GRIP1: variants seen among roughly 807,000 people sequenced by gnomAD.
GRIP1 encodes glutamate receptor-interacting protein 1.
A neutral mutation model predicts 129.9 loss-of-function variants in GRIP1; 45 were observed. That is an observed-to-expected ratio of 0.35 (90% confidence interval 0.27 to 0.44). GRIP1 has a LOEUF of 0.44. Among genes scored for constraint, GRIP1 ranks in the 20% least tolerant of loss-of-function variants. The pLI is 1.00. For synonymous variants in GRIP1, 530 were observed against 520.8 expected (o/e 1.02, Z -0.24); for missense variants, 1,196 against 1,396.8 (o/e 0.86, Z 2.29).
At chr12:66,386,526 C>T (rs541370597) in intron 19 of GRIP1, among the ~76,000 whole-genome samples, 4 of 151,920 alleles carry the variant, frequency 2.6e-5, no homozygotes, top group South Asian at 4.2e-4. Flanking sequence ...CCCAGCTACT[C>T]GGGAGGCTGA....
At chr12:66,908,081 A>C (rs2040964681) in intron 1 of GRIP1, among the ~76,000 whole-genome samples, 1 of 152,206 alleles carries the variant, frequency 6.6e-6, no homozygotes, top group South Asian at 2.1e-4. Context: ...CCTTAAACTT[A>C]TTTTAATGAC....
chr12:66,638,947 G>C (rs2031669987), intron 1 of GRIP1, among the ~76,000 whole-genome samples: 1 of 152,136 alleles, frequency 6.6e-6, no homozygotes. Flanking sequence ...CAGTTTCTTT[G>C]TGAAATGGGG....
At chr12:66,798,604 C>T (rs562336172) in intron 1 of GRIP1, among the ~76,000 whole-genome samples, 8 of 152,086 alleles carry the variant, frequency 5.3e-5, no homozygotes, top group Non-Finnish European at 7.4e-5. Flanking sequence ...GATAGCATGC[C>T]GTACTAACTG....
chr12:66,607,647 C>T (rs1041537247), intron 1 of GRIP1, among the ~76,000 whole-genome samples: 2 of 152,104 alleles, frequency 1.3e-5, no homozygotes, highest in African/African-American at 2.4e-5. Flanking sequence ...TCTGCCTTTC[C>T]TTACCCTCTG....
intron 1 of GRIP1, among the ~76,000 whole-genome samples, chr12:66,632,185 T>C (rs1237624541): frequency 3.3e-5 from 5 of 152,134 alleles, no homozygotes; most frequent in Non-Finnish European, 7.3e-5. Context: ...TGGAGTATAA[T>C]GAGACTGGTG....
At chr12:66,541,035 G>A (rs1304146186) in intron 3 of GRIP1, among the ~76,000 whole-genome samples, 1 of 151,234 alleles carries the variant, frequency 6.6e-6, no homozygotes, top group Non-Finnish European at 1.5e-5. Context: ...AGCTGGTCTC[G>A]AACTCCTGAC....
Position 66,371,901 on chromosome 12 carries a change from C to T in GRIP1, c.2805G>A (p.Met935Ile), listed in dbSNP as rs2055525848. 6.2e-7 allele frequency: 1 copy of T among 1,611,984 alleles called. No homozygotes were observed. The highest frequency in any genetic ancestry group is 1.3e-5 in the African/African-American group (1 of 75,024). Residue 935 changes from methionine to isoleucine, a missense_variant, in exon 23 of 25, where the codon ATG becomes ATA. Around this residue, in one of 5 missense-constraint regions of GRIP1, gnomAD observed 427 missense variants for 463.3 expected, o/e 0.92. Transcript: ENST00000359742. ...GTGTTGGAGCCTCATGATTCAAACT[C>T]ATCGTGCTCCCCGACATGATTGTTG... is the stretch of plus-strand genomic sequence containing the variant. ...LLATIMSGSTMSLNHEAPTPR... is the reference protein window; with the variant it reads ...LLATIMSGSTISLNHEAPTPR...
intron 1 of GRIP1, among the ~76,000 whole-genome samples, chr12:66,927,890 T>C (rs1039741038): frequency 2.6e-5 from 4 of 152,188 alleles, no homozygotes; most frequent in Non-Finnish European, 2.9e-5. Context: ...ACATGACCTA[T>C]GTTAGTCAGA....
chr12:66,766,628 G>A (rs780247913), intron 1 of GRIP1, among the ~76,000 whole-genome samples: 11 of 152,154 alleles, frequency 7.2e-5, no homozygotes, highest in Non-Finnish European at 1.3e-4. Flanking sequence ...ACACTCGGAA[G>A]AGCGCTGCAT....
chr12:66,555,758 T>C (rs2062307378), intron 2 of GRIP1, among the ~76,000 whole-genome samples: 1 of 151,990 alleles, frequency 6.6e-6, no homozygotes, highest in African/African-American at 2.4e-5. Context: ...ATGCTGGAGT[T>C]GAAAACATGC....
intron 1 of GRIP1, among the ~76,000 whole-genome samples, chr12:66,907,069 G>T (rs368824153): frequency 6.6e-6 from 1 of 152,146 alleles, no homozygotes; most frequent in Non-Finnish European, 1.5e-5. Context: ...ATCCCACATT[G>T]CACTTTGTCA....
At chr12:66,597,638 A>G (rs955762026) in intron 1 of GRIP1, among the ~76,000 whole-genome samples, 1 of 152,222 alleles carries the variant, frequency 6.6e-6, no homozygotes, top group African/African-American at 2.4e-5. Context: ...AGAGCAACTG[A>G]GAAGACAGAA....
intron 1 of GRIP1, among the ~76,000 whole-genome samples, chr12:66,651,027 C>T (rs906518325): frequency 6.6e-6 from 1 of 152,192 alleles, no homozygotes; most frequent in Non-Finnish European, 1.5e-5. Flanking sequence ...ACAATATGTA[C>T]ATAGTACTAC....
intron 1 of GRIP1, among the ~76,000 whole-genome samples, chr12:66,958,139 C>CTTAT (rs542751823): frequency 1.1e-3 from 163 of 152,060 alleles, no homozygotes; most frequent in Non-Finnish European, 2.1e-3. Flanking sequence ...ATTTTGCTTG[C>CTTAT]TTATTTATTT....
At chr12:66,496,291 G>T (rs937779344) in intron 7 of GRIP1, among the ~76,000 whole-genome samples, 9 of 152,120 alleles carry the variant, frequency 5.9e-5, no homozygotes, top group African/African-American at 2.2e-4. Context: ...GCAGGAGCTG[G>T]ACCACGAATA....
intron 1 of GRIP1, among the ~76,000 whole-genome samples, chr12:66,857,838 A>G (rs2040034213): frequency 6.6e-6 from 1 of 152,014 alleles, no homozygotes; most frequent in South Asian, 2.1e-4. Flanking sequence ...AGACTGGAGG[A>G]CACTTGAGCT....
intron 5 of GRIP1, among the ~76,000 whole-genome samples, chr12:66,518,500 G>A (rs2060909870): frequency 6.6e-6 from 1 of 152,150 alleles, no homozygotes; most frequent in African/African-American, 2.4e-5. Flanking sequence ...TTCAGACTGT[G>A]TCAAGCCAGC....
chr12:67,022,112 A>G (rs2042876243), intron 1 of GRIP1, among the ~76,000 whole-genome samples: 1 of 152,174 alleles, frequency 6.6e-6, no homozygotes, highest in Admixed American at 6.6e-5. Flanking sequence ...TGCAATCAAC[A>G]TGGGAGTGTT....
chr12:66,433,884 G>C (rs1381203550), intron 13 of GRIP1, among the ~76,000 whole-genome samples: 2 of 152,166 alleles, frequency 1.3e-5, no homozygotes, highest in Non-Finnish European at 2.9e-5. Context: ...CCAGCACACA[G>C]ACAATTAACC....
Sources: gnomAD v4.1 joint callset for allele counts (sites outside exome capture counted in the v4.1 genomes callset) on GRCh38, gnomAD v4.1.1 for gene constraint, gnomAD v4.1.1 regional missense constraint, MANE v1.5 for transcripts, NCBI Gene and HGNC (gene_info 2026-07-23, HGNC 2026-07-21) for gene names.